Variants in LRRC37A2 observed in about 807,000 individuals in gnomAD.
The protein encoded by LRRC37A2 is leucine-rich repeat-containing protein 37A2.
Under a neutral mutation model 68.8 loss-of-function variants are expected in LRRC37A2, and 9 were observed. The ratio of observed to expected loss-of-function variants is 0.13; its 90% CI spans 0.08 to 0.23. The LOEUF (loss-of-function observed/expected upper bound fraction) is 0.23, where lower values mean the gene tolerates loss of function less well. LRRC37A2 is among the 10% of genes least tolerant of loss of function. The pLI is 1.00. For missense variants in LRRC37A2, 168 were observed against 950.4 expected (o/e 0.18, Z 10.82); for synonymous variants, 63 against 367.6 (o/e 0.17, Z 9.48).
the LRRC37A2 span, among the ~76,000 whole-genome samples, chr17:47,002,154 G>T: frequency 6.6e-6 from 1 of 152,022 alleles, no homozygotes. Flanking sequence ...TAATTATTTT[G>T]AGATGTATCC....
chr17:47,044,442 T>C, the LRRC37A2 span, among the ~76,000 whole-genome samples: 1 of 150,806 alleles, frequency 6.6e-6, no homozygotes, highest in East Asian at 2.0e-4. Context: ...GTGATGATAG[T>C]CCTCTGGTTA....
chr17:47,026,465 C>T, the LRRC37A2 span, among the ~76,000 whole-genome samples: 1 of 152,212 alleles, frequency 6.6e-6, no homozygotes, highest in Admixed American at 6.5e-5. Flanking sequence ...CTCGTAGTTA[C>T]TGATTCAGTT....
the LRRC37A2 span, among the ~76,000 whole-genome samples, chr17:47,004,789 C>T: frequency 1.3e-5 from 2 of 152,224 alleles, no homozygotes; most frequent in African/African-American, 4.8e-5. Flanking sequence ...CTCAACCTCC[C>T]AAAGTGTTGG....
At chr17:47,043,481 A>G in the LRRC37A2 span, among the ~76,000 whole-genome samples, 1 of 144,354 alleles carries the variant, frequency 6.9e-6, no homozygotes, top group African/African-American at 2.5e-5. Flanking sequence ...CCCGGGCGAC[A>G]GAGTGAGACT....
the LRRC37A2 span, among the ~76,000 whole-genome samples, chr17:46,888,636 G>A: frequency 8.5e-5 from 13 of 152,270 alleles, no homozygotes; most frequent in African/African-American, 3.1e-4. Flanking sequence ...AGAATCAGCT[G>A]TCTGTCAAGC....
At chr17:46,658,205 A>G in the LRRC37A2 span, among the ~76,000 whole-genome samples, 1 of 10,804 alleles carries the variant, frequency 9.3e-5, no homozygotes, top group Non-Finnish European at 1.4e-4. Context: ...ATGCCTGGCT[A>G]ATTTTTGTAT....
chr17:46,966,700 A>G, the LRRC37A2 span: 5,017 of 496,200 alleles, frequency 0.01, 35 homozygotes, highest in Middle Eastern at 0.022. Flanking sequence ...TCTATCAACT[A>G]TTAGCTGTGA....
chr17:46,849,509 C>G, the LRRC37A2 span, among the ~76,000 whole-genome samples: 4 of 152,324 alleles, frequency 2.6e-5, no homozygotes, highest in Non-Finnish European at 5.9e-5. Context: ...TCTTCCTTCT[C>G]TCTGACTCAC....
chr17:46,728,880 T>C, the LRRC37A2 span: 1 of 1,609,780 alleles, frequency 6.2e-7, no homozygotes, highest in Non-Finnish European at 8.5e-7. Context: ...GCCCTCGATT[T>C]TCAAATCTTG....
chr17:46,981,700 T>A, the LRRC37A2 span, among the ~76,000 whole-genome samples: 1 of 152,154 alleles, frequency 6.6e-6, no homozygotes, highest in East Asian at 1.9e-4. Flanking sequence ...TTAAAATTAT[T>A]ATTTTATTTA....
the LRRC37A2 span, among the ~76,000 whole-genome samples, chr17:47,037,400 C>T: frequency 1.3e-5 from 2 of 152,002 alleles, no homozygotes; most frequent in African/African-American, 2.4e-5. Context: ...TTACCGTGCC[C>T]GGCCAATAAA....
the LRRC37A2 span, among the ~76,000 whole-genome samples, chr17:46,835,433 G>A: frequency 5.3e-5 from 8 of 152,030 alleles, no homozygotes; most frequent in South Asian, 1.5e-3. Flanking sequence ...GGATGGTATC[G>A]ATCTCCTGAC....
chr17:46,770,096 C>T, the LRRC37A2 span: 1 of 1,496,662 alleles, frequency 6.7e-7, no homozygotes, highest in Non-Finnish European at 8.9e-7. Context: ...GGCCTGGGAG[C>T]GCCTGCCCTG....
the LRRC37A2 span, chr17:46,933,338 A>C: frequency 1.3e-5 from 2 of 152,218 alleles, no homozygotes; most frequent in African/African-American, 4.8e-5. Flanking sequence ...CATCAGCCAT[A>C]CTGTTTTAGA....
At chr17:46,621,410 C>T in the LRRC37A2 span, among the ~76,000 whole-genome samples, 1 of 124,788 alleles carries the variant, frequency 8.0e-6, no homozygotes, top group Non-Finnish European at 1.7e-5. Context: ...CCTCAGCCTC[C>T]CAAGTAGCTG....
the LRRC37A2 span, among the ~76,000 whole-genome samples, chr17:46,704,160 GC>G: frequency 2.4e-5 from 2 of 82,562 alleles, no homozygotes; most frequent in Admixed American, 3.0e-4. Flanking sequence ...CATGAACAAG[GC>G]TGTACAGATA....
chr17:46,918,860 A>G, the LRRC37A2 span, among the ~76,000 whole-genome samples: 13 of 152,106 alleles, frequency 8.5e-5, no homozygotes, highest in East Asian at 1.9e-4. Flanking sequence ...TGCACATCAT[A>G]TATCTTTGCT....
Position 46,532,913 on chromosome 17 carries a change from C to T in LRRC37A2, c.2907-7263C>T, listed in dbSNP as rs1428360132. Reference sequence around the variant, plus strand: ...CCCAGGAGTTCGAGGCCAGCCAGGGCAACATACTGAGAGCTTATCTCTACA... The same window carrying T: ...CCCAGGAGTTCGAGGCCAGCCAGGGTAACATACTGAGAGCTTATCTCTACA... On this transcript the variant is annotated intron_variant, in intron 6 of 14. Coordinates refer to ENST00000576629, the Ensembl canonical transcript of LRRC37A2. 5.5e-5 allele frequency among the ~76,000 whole-genome samples: 8 copies of T among 146,018 alleles called. 1 individual carries two copies. Among genetic ancestry groups the T allele is most frequent in the African/African-American group, 2.1e-4 (8 of 37,548 alleles).
the LRRC37A2 span, chr17:46,941,250 G>C: frequency 1.0e-6 from 1 of 991,970 alleles, no homozygotes. Flanking sequence ...GCGGAGTTCT[G>C]TACACCCTTT....
Sources: allele counts gnomAD v4.1 joint callset (sites outside exome capture counted in the v4.1 genomes callset), GRCh38; gene constraint gnomAD v4.1.1; transcripts MANE v1.5; gene names NCBI Gene and HGNC (gene_info 2026-07-23, HGNC 2026-07-21).